The following PER2 variants were observed in gnomAD, a reference collection of about 807,000 sequenced individuals.
The protein encoded by PER2 is period circadian regulator 2.
In PER2, 66 loss-of-function variants were observed where a neutral mutation model predicts 121.0. That is an observed-to-expected ratio of 0.55 (90% confidence interval 0.45 to 0.67). The LOEUF (loss-of-function observed/expected upper bound fraction) is 0.67. Ranked by LOEUF, PER2 falls within the 30% of genes least tolerant of loss-of-function variation. The probability of loss-of-function intolerance (pLI) is 0.00; values close to 1 mark genes in which losing one functional copy is unlikely to be tolerated. For missense variants in PER2, 1,521 were observed against 1,635.0 expected (o/e 0.93, Z 1.20); for synonymous variants, 684 against 659.9 (o/e 1.04, Z -0.56).
At chr2:238,299,587 G>C in the PER2 span, 2 of 151,834 alleles carry the variant, frequency 1.3e-5, no homozygotes, top group African/African-American at 4.9e-5. Context: ...TTTGATAAGG[G>C]TTGAAGGCTA....
chr2:238,279,013 G>A (rs1338602975), intron 1 of PER2, among the ~76,000 whole-genome samples: 7 of 152,008 alleles, frequency 4.6e-5, no homozygotes, highest in African/African-American at 1.4e-4. Flanking sequence ...AGACAGACCA[G>A]CGATCATCCT....
Position 238,244,248 on chromosome 2 carries a change from A to G in PER2, c.*2127T>C, listed in dbSNP as rs953462549. 2.0e-5 allele frequency: 3 copies of G among 152,600 alleles called. No individual in the cohort carries two copies. The highest frequency in any genetic ancestry group is 7.2e-5 in the African/African-American group (3 of 41,468). The allele number at this position is 152,600 out of a possible 1,614,324, so 9.5% of individuals were successfully genotyped here. On this transcript the variant is annotated 3_prime_UTR_variant, in exon 23 of 23. Transcript: ENST00000254657. ...TCTCTTCGGGAATATATTAAAAAGA[A>G]GGCTCAGTTTAAAATAGAGAAAAAC...
rs115244328 is a variant in PER2 at position 238,271,528 on chromosome 2, T to C, written c.571-15A>G. 1.5e-3 allele frequency: 2,382 copies of C among 1,597,956 alleles called. 32 individuals carry two copies. The African/African-American group carries it at 0.029, about 19-fold the overall frequency. ...GCAAACATATCCTGAAAAGGAAGAG[T>C]AGGGCTCTGATGACAAGGTCAGATG... On this transcript the variant is annotated splice_polypyrimidine_tract_variant and intron_variant, in intron 5 of 22. Transcript: ENST00000254657.
intron 1 of PER2, among the ~76,000 whole-genome samples, chr2:238,282,260 C>A (rs577477240): frequency 6.6e-6 from 1 of 152,312 alleles, no homozygotes; most frequent in Non-Finnish European, 1.5e-5. Context: ...CAGCCCTCTT[C>A]TTGCAGATGC....
At chr2:238,289,546 A>G (rs1160704907), upstream of PER2, 1 of 152,270 alleles carries the variant, frequency 6.6e-6, no homozygotes. Flanking sequence ...CCCTGCCCCC[A>G]AGCGCATCAC....
chr2:238,299,735 T>C, the PER2 span: 1 of 152,326 alleles, frequency 6.6e-6, no homozygotes, highest in Admixed American at 6.5e-5. Context: ...CTCAGAAGCC[T>C]CCAAGCCAAC....
chr2:238,294,743 C>A (rs375641548), upstream of PER2, among the ~76,000 whole-genome samples: 137 of 152,332 alleles, frequency 9.0e-4, 1 homozygote, highest in African/African-American at 3.2e-3. Context: ...CACCACCCTG[C>A]CCCTATGAAG....
rs774135579 is a variant in PER2 at position 238,249,073 on chromosome 2, T to C, written c.3607A>G (p.Ile1203Val). The change falls in exon 22 of 23, where the codon ATC (isoleucine) becomes GTC (valine). Residue 1203 changes from isoleucine to valine, a missense_variant. Physicochemically the swap from Ile to Val is conservative, Grantham distance 29. Coordinates refer to ENST00000254657, the MANE Select transcript of PER2 (RefSeq NM_022817.3). Reference protein sequence around the residue: ...WMQTGGLPAAIDVAECVYCEN... With the variant: ...WMQTGGLPAAVDVAECVYCEN... ...TCCCGTGAGCTTACTGCCACGTCGA[T>C]GGCTGCGGGCAGGCCGCCCGTCTGC... is the stretch of plus-strand genomic sequence containing the variant. 6.2e-7 allele frequency: 1 copy of C among 1,614,182 alleles called. No homozygotes were observed. Among genetic ancestry groups the C allele is most frequent in the East Asian group, 2.2e-5 (1 of 44,886 alleles).
intron 22 of PER2, 75 bp from the exon 23 acceptor site, chr2:238,246,599 G>A (rs902362442): frequency 3.9e-5 from 42 of 1,078,994 alleles, no homozygotes; most frequent in Admixed American, 7.1e-5. Context: ...CAAATTGGCC[G>A]GGCGCGGTGG....
chr2:238,253,817 C>T lies in PER2; in HGVS notation c.2321-115G>A, dbSNP rs10173265. On this transcript the variant is annotated intron_variant, in intron 18 of 22. Coordinates refer to ENST00000254657, the MANE Select transcript of PER2 (RefSeq NM_022817.3). This position sits in a 1 kb window ranked among gnomAD's most constrained non-coding sequence, Gnocchi z 5.6. ...CTGGCCCAGGGCCTGCCTGGTCCAC[C>T]GAGCGGTTTTCCCTGATCCTCAGTG... 25 of 820,252 alleles carry T rather than the reference C, an allele frequency of 3.0e-5. No individual in the cohort carries two copies. Among genetic ancestry groups the T allele is most frequent in the South Asian group, 5.9e-5 (4 of 67,984 alleles). 50.8% of individuals were successfully genotyped at this position (820,252 alleles called of 1,614,324 possible).
chr2:238,284,359 T>G (rs1696719636), intron 1 of PER2, among the ~76,000 whole-genome samples: 1 of 151,266 alleles, frequency 6.6e-6, no homozygotes, highest in South Asian at 2.1e-4. Flanking sequence ...GGAGAATTGC[T>G]TGAACCCAGG....
At chr2:238,258,944 G>C (rs898396341) in intron 14 of PER2, among the ~76,000 whole-genome samples, 1 of 152,160 alleles carries the variant, frequency 6.6e-6, no homozygotes, top group East Asian at 1.9e-4. Context: ...GTTCTCACTT[G>C]AACTCTTAAA....
At chr2:238,255,412 T>A (rs1221882432) in intron 18 of PER2, 2 of 585,050 alleles carry the variant, frequency 3.4e-6, no homozygotes, top group East Asian at 5.9e-5. Context: ...CCTGCCATGG[T>A]TCTTCCCACC....
intron 12 of PER2, 21 bp from the exon 13 acceptor site, chr2:238,260,974 G>A (rs1473848146): frequency 6.2e-6 from 10 of 1,609,484 alleles, no homozygotes; most frequent in South Asian, 1.1e-5. Flanking sequence ...AGCAGACAGC[G>A]CTACAGACAC....
At chr2:238,295,961 C>T in the PER2 span, 1 of 256,986 alleles carries the variant, frequency 3.9e-6, no homozygotes, top group Non-Finnish European at 7.8e-6. Context: ...ACACGTGCTG[C>T]TGAATGAAGC....
At chr2:238,272,816 G>T (rs1255171422) in intron 5 of PER2, among the ~76,000 whole-genome samples, 1 of 152,216 alleles carries the variant, frequency 6.6e-6, no homozygotes, top group Non-Finnish European at 1.5e-5. Context: ...CACTGGGTTT[G>T]CCCTTGCACC....
intron 12 of PER2, 25 bp downstream of exon 12, chr2:238,261,704 G>A: frequency 5.5e-6 from 8 of 1,463,262 alleles, no homozygotes; most frequent in Non-Finnish European, 7.5e-6. Flanking sequence ...TACCTGGGAG[G>A]AGGACATGCA....
chr2:238,276,731 T>C (rs1291734550), intron 3 of PER2, among the ~76,000 whole-genome samples: 1 of 152,068 alleles, frequency 6.6e-6, no homozygotes, highest in East Asian at 1.9e-4. Context: ...GAAATCAAGG[T>C]TTCTCAGGCA....
chr2:238,299,733 C>T, the PER2 span: 2 of 152,222 alleles, frequency 1.3e-5, no homozygotes, highest in Non-Finnish European at 2.9e-5. Flanking sequence ...TTCTCAGAAG[C>T]CTCCAAGCCA....
Sources: gnomAD v4.1 joint callset for allele counts (sites outside exome capture counted in the v4.1 genomes callset) on GRCh38, gnomAD v4.1.1 for gene constraint, Gnocchi (gnomAD v3.1) non-coding constraint, MANE v1.5 for transcripts, NCBI Gene and HGNC (gene_info 2026-07-23, HGNC 2026-07-21) for gene names.